The following IRF2BPL variants were observed in gnomAD, a reference collection of about 807,000 sequenced individuals.
IRF2BPL encodes the protein interferon regulatory factor 2 binding protein like.
A neutral mutation model predicts 51.2 loss-of-function variants in IRF2BPL; 13 were observed. That is an observed-to-expected ratio of 0.25 (90% CI 0.17 to 0.40). The LOEUF is 0.40. Ranked by LOEUF, IRF2BPL falls within the 10% of genes least tolerant of loss-of-function variation. The pLI, the probability that IRF2BPL is intolerant of heterozygous loss-of-function variation, is 1.00. For synonymous variants in IRF2BPL, 768 were observed against 509.2 expected (o/e 1.51, Z -6.84); for missense variants, 1,210 against 1,111.8 (o/e 1.09, Z -1.26).
rs997872739 is a variant in IRF2BPL, at chr14:77,025,801, G to A, written c.1992C>T (p.Ala664=). ...CCAAGCGGCGCTGCCCCGGCACGGA[G>A]GCCGGCGAGACTGGGCTGCTGCTGT... The part of the protein sequence containing the change: ...RRNSSSPVSP[A]SVPGQRRLAS... Residue 664 remains alanine, a synonymous_variant, in exon 1 of 1, where the codon GCC becomes GCT. Coordinates refer to ENST00000238647, the MANE Select transcript of IRF2BPL (RefSeq NM_024496.4). 1.2e-6 allele frequency: 2 copies of A among 1,611,728 alleles called. No individual in the cohort carries two copies. Among genetic ancestry groups the A allele is most frequent in the African/African-American group, 1.3e-5 (1 of 74,916 alleles).
In IRF2BPL at chr14:77,026,520, T is replaced by TG; in HGVS notation, c.1272dup (p.Thr425HisfsTer190). 6.2e-7 allele frequency: 1 copy of TG among 1,613,648 alleles called. No homozygotes were observed. The highest frequency in any genetic ancestry group is 8.5e-7 in the Non-Finnish European group (1 of 1,179,992). ...CTGGAGTACACGTTGCCCGAGCCCG[T>TG]GGGGTACTCAATGAACAGCTTCAAT... is the stretch of plus-strand genomic sequence containing the variant. On this transcript the variant is annotated frameshift_variant, in exon 1 of 1. Coordinates refer to ENST00000238647, the MANE Select transcript of IRF2BPL (RefSeq NM_024496.4). LOFTEE classifies it high-confidence loss of function.
rs1566786613 is a variant in IRF2BPL, at chr14:77,027,294, G to A, written c.499C>T (p.Gln167Ter). Residue 167 changes from glutamine (Q) to a stop codon, truncating the protein, a stop_gained, in exon 1 of 1, where the codon CAG (glutamine) becomes TAG (stop). Coordinates refer to ENST00000238647, the MANE Select transcript of IRF2BPL (RefSeq NM_024496.4). LOFTEE classifies it high-confidence loss of function. The part of the protein sequence containing the change: ...AAAAAAAAVE[Q>*]RSRFEYPPPP... ...GGCGGGTACTCGAAGCGGCTGCGCT[G>A]TTCCACCGCAGCGGCGGCGGCGGCG... 6.4e-7 allele frequency: 1 copy of A among 1,569,886 alleles called. No individual in the cohort carries two copies. The highest frequency in any genetic ancestry group is 1.4e-5 in the African/African-American group (1 of 71,326).
In IRF2BPL at chr14:77,028,397, G is replaced by A; in HGVS notation, c.-605C>T. 3.8e-6 allele frequency: 1 copy of A among 260,330 alleles called. No homozygotes were observed. The highest frequency in any genetic ancestry group is 7.6e-6 in the Non-Finnish European group (1 of 131,838). 16.1% of individuals were successfully genotyped at this position (260,330 alleles called of 1,614,324 possible). On this transcript the variant is annotated 5_prime_UTR_variant, in exon 1 of 1. In the 5' UTR this introduces an upstream ATG that the reference lacks. Coordinates refer to ENST00000238647, the MANE Select transcript of IRF2BPL (RefSeq NM_024496.4). ...CCTTCTCCCCTCCGCAGCGTCGGCCGTTCTGCTGGCGGCGACTGGGTTTGC... is the reference window on the plus strand; with the variant it reads ...CCTTCTCCCCTCCGCAGCGTCGGCCATTCTGCTGGCGGCGACTGGGTTTGC...
rs752911129 is a variant in IRF2BPL at position 77,026,011 on chromosome 14, C to T, written c.1782G>A (p.Gly594=). The T allele has an allele frequency of 6.4e-7, 1 of 1,565,164 alleles. No individual in the cohort carries two copies. Among genetic ancestry groups the T allele is most frequent in the South Asian group, 1.2e-5 (1 of 86,380 alleles). Residue 594 remains glycine, a synonymous_variant, in exon 1 of 1, where the codon GGG becomes GGA. Coordinates refer to ENST00000238647, the MANE Select transcript of IRF2BPL (RefSeq NM_024496.4). ...GGFAAPGHAA[G]GPPPPPPPLG... ...GAGGTGGGGGCGGCGGAGGCGGACCCCCCGCCGCGTGCCCCGGCGCCGCGA... is the reference window on the plus strand; with the variant it reads ...GAGGTGGGGGCGGCGGAGGCGGACCTCCCGCCGCGTGCCCCGGCGCCGCGA...
chr14:77,027,810 A>G lies in IRF2BPL; in HGVS notation c.-18T>C. On this transcript the variant is annotated 5_prime_UTR_variant, in exon 1 of 1. Transcript: ENST00000238647. ...GCCGACATGATGCCTGCCCTGGGGA[A>G]GGTAGGCCCCCGCCCGGGCTGTCTC... 6.6e-7 allele frequency: 1 copy of G among 1,516,340 alleles called. No individual in the cohort carries two copies. Among genetic ancestry groups the G allele is most frequent in the Non-Finnish European group, 8.9e-7 (1 of 1,126,186 alleles). The allele number at this position is 1,516,340 out of a possible 1,614,324, so 93.9% of individuals were successfully genotyped here.
At position 77,027,496 on chromosome 14, in the gene IRF2BPL, G is replaced by T. The variant is rs748692204; in HGVS notation, c.297C>A (p.Ala99=). Residue 99 remains alanine (A), a synonymous_variant, in exon 1 of 1, where the codon GCC becomes GCA. Transcript: ENST00000238647. ...AAAAAAAAAA[A]AAAQQQQQQQ... ...GTTGCTGTTGCTGTTGCGCGGCGGC[G>T]GCGGCGGCCGCCGCTGCTGCCGCCG... is the stretch of plus-strand genomic sequence containing the variant. 6.3e-5 allele frequency: 43 copies of T among 680,422 alleles called. No homozygotes were observed. Among genetic ancestry groups the T allele is most frequent in the Middle Eastern group, 6.6e-4 (1 of 1,504 alleles). 42.1% of individuals were successfully genotyped at this position (680,422 alleles called of 1,614,324 possible).
At position 77,025,716 on chromosome 14, in the gene IRF2BPL, C is replaced by T. The variant is rs1212439821; in HGVS notation, c.2077G>A (p.Gly693Ser). Residue 693 changes from glycine to serine, a missense_variant, in exon 1 of 1, where the codon GGC (glycine) becomes AGC (serine). Gly to Ser is a moderately conservative substitution (Grantham distance 56). Coordinates refer to ENST00000238647, the MANE Select transcript of IRF2BPL (RefSeq NM_024496.4). ...VAPPPPSAHP[G>S]MDQVHPQNIP... ...TTTTGGGGGTGCACTTGGTCCATGC[C>T]CGGGTGGGCGCTAGGCGGCGGGGGC... 4 of 1,572,304 alleles carry T rather than the reference C, an allele frequency of 2.5e-6. No individual in the cohort carries two copies. In the Admixed American group the frequency reaches 5.3e-5, roughly 21 times the overall value.
In IRF2BPL at chr14:77,025,797, C is replaced by A. The variant is rs757908364; in HGVS notation, c.1996G>T (p.Val666Leu). ...NSSSPVSPAS[V>L]PGQRRLASRN... Reference sequence around the variant, plus strand: ...GATGCCAAGCGGCGCTGCCCCGGCACGGAGGCCGGCGAGACTGGGCTGCTG... The same window carrying A: ...GATGCCAAGCGGCGCTGCCCCGGCAAGGAGGCCGGCGAGACTGGGCTGCTG... The change falls in exon 1 of 1, where the codon GTG (valine) becomes TTG (leucine). Residue 666 changes from valine (V) to leucine (L), a missense_variant. Physicochemically the swap from Val to Leu is conservative, Grantham distance 32 (BLOSUM62 1). Transcript: ENST00000238647. 2.5e-6 allele frequency: 4 copies of A among 1,611,364 alleles called. No individual in the cohort carries two copies. Among genetic ancestry groups the A allele is most frequent in the Non-Finnish European group, 3.4e-6 (4 of 1,179,100 alleles).
At position 77,028,126 on chromosome 14, in the gene IRF2BPL, C is replaced by A. The variant is rs947891461; in HGVS notation, c.-334G>T. ...AAGCTCCCGGCCCGAGGGGAGGGGGCGAGGGTGCCCGGTGGTGGCCGCCGT... is the reference window on the plus strand; with the variant it reads ...AAGCTCCCGGCCCGAGGGGAGGGGGAGAGGGTGCCCGGTGGTGGCCGCCGT... On this transcript the variant is annotated 5_prime_UTR_variant, in exon 1 of 1. Transcript: ENST00000238647. 1 of 268,634 alleles carries A rather than the reference C, an allele frequency of 3.7e-6. No homozygotes were observed. 16.6% of individuals were successfully genotyped at this position (268,634 alleles called of 1,614,324 possible). A position where few individuals can be genotyped will look rare whatever the true frequency, so the allele number is the denominator to read the frequency against.
rs529633208 is a variant in IRF2BPL, at chr14:77,026,581, G to A, written c.1212C>T (p.Ala404=). 9.3e-6 allele frequency: 15 copies of A among 1,613,872 alleles called. No homozygotes were observed. The highest frequency in any genetic ancestry group is 6.7e-5 in the East Asian group (3 of 44,878). ...KDHSLLGRVF[A]FDAVSKPGMD... ...TGCCGGGCTTGGAGACGGCGTCGAAGGCGAAAACGCGGCCCAGCAGCGAGT... is the reference window on the plus strand; with the variant it reads ...TGCCGGGCTTGGAGACGGCGTCGAAAGCGAAAACGCGGCCCAGCAGCGAGT... The change falls in exon 1 of 1, where the codon GCC becomes GCT. Residue 404 remains alanine, a synonymous_variant. Coordinates refer to ENST00000238647, the MANE Select transcript of IRF2BPL (RefSeq NM_024496.4).
In IRF2BPL at chr14:77,025,344, G is replaced by A; in HGVS notation, c.*58C>T. On this transcript the variant is annotated 3_prime_UTR_variant, in exon 1 of 1. Transcript: ENST00000238647. The stretch of plus-strand genomic sequence containing the variant: ...GGAGGGTCGAGTTGGGTTGGGGGAG[G>A]GGCCCTCAGGATTGGAGAGGAGCTG... 1.6e-6 allele frequency: 2 copies of A among 1,282,550 alleles called. No individual in the cohort carries two copies. Among genetic ancestry groups the A allele is most frequent in the South Asian group, 1.6e-5 (1 of 64,122 alleles). 79.4% of individuals were successfully genotyped at this position (1,282,550 alleles called of 1,614,324 possible).
Position 77,026,557 on chromosome 14 carries a change from G to A in IRF2BPL, c.1236C>T (p.Gly412=). The A allele has an allele frequency of 6.2e-7, 1 of 1,613,864 alleles. No homozygotes were observed. Among genetic ancestry groups the A allele is most frequent in the Non-Finnish European group, 8.5e-7 (1 of 1,180,014 alleles). ...VFAFDAVSKP[G]MDYELKLFIE... is the part of the protein sequence containing the mutation. ...TGAACAGCTTCAATTCGTAGTCCAT[G>A]CCGGGCTTGGAGACGGCGTCGAAGG... The change falls in exon 1 of 1, where the codon GGC becomes GGT. Residue 412 remains glycine (G), a synonymous_variant. Coordinates refer to ENST00000238647, the MANE Select transcript of IRF2BPL (RefSeq NM_024496.4).
chr14:77,027,645 C>T lies in IRF2BPL; in HGVS notation c.148G>A (p.Val50Met). The stretch of plus-strand genomic sequence containing the variant: ...TTCAGCTGGCGCGCTGTCTCGATCA[C>T]GAATTCGATGCGATCAGCGCCCTCG... ...NYEGADRIEF[V>M]IETARQLKRA... Residue 50 changes from valine to methionine, a missense_variant, in exon 1 of 1, where the codon GTG becomes ATG. Transcript: ENST00000238647. 1.2e-6 allele frequency: 2 copies of T among 1,610,392 alleles called. No homozygotes were observed. The highest frequency in any genetic ancestry group is 8.5e-7 in the Non-Finnish European group (1 of 1,178,960).
Position 77,025,899 on chromosome 14 carries a change from C to G in IRF2BPL, c.1894G>C (p.Asp632His). ...GGCGAGTGCGCTGTGCCCAGAGTAT[C>G]TGCCACCGACATGAGAGCGGCCATA... Reference protein sequence around the residue: ...SPMAALMSVADTLGTAHSPKD... With the variant: ...SPMAALMSVAHTLGTAHSPKD... The change falls in exon 1 of 1, where the codon GAT becomes CAT. Residue 632 changes from aspartate (D) to histidine (H), a missense_variant. Physicochemically the swap from Asp to His is moderately conservative, Grantham distance 81 (BLOSUM62 -1). Coordinates refer to ENST00000238647, the MANE Select transcript of IRF2BPL (RefSeq NM_024496.4). The G allele has an allele frequency of 6.2e-7, 1 of 1,612,106 alleles. No individual in the cohort carries two copies. The highest frequency in any genetic ancestry group is 8.5e-7 in the Non-Finnish European group (1 of 1,179,608).
In IRF2BPL at chr14:77,025,272, T is replaced by C. The variant is rs1367112690; in HGVS notation, c.*130A>G. 8 of 567,712 alleles carry C rather than the reference T, an allele frequency of 1.4e-5. No homozygotes were observed. The highest frequency in any genetic ancestry group is 2.4e-5 in the Non-Finnish European group (8 of 333,874). 35.2% of individuals were successfully genotyped at this position (567,712 alleles called of 1,614,324 possible). ...ATGTCTATACATAAGACTAACTTTT[T>C]GCAGTTTCGTTATATTCACAATTCT... On this transcript the variant is annotated 3_prime_UTR_variant, in exon 1 of 1. Coordinates refer to ENST00000238647, the MANE Select transcript of IRF2BPL (RefSeq NM_024496.4).
In IRF2BPL at chr14:77,027,862, T is replaced by TGGCCGGCTGGGGAGGGA; in HGVS notation, c.-87_-71dup. 7.2e-7 allele frequency: 1 copy of TGGCCGGCTGGGGAGGGA among 1,383,284 alleles called. No individual in the cohort carries two copies. The highest frequency in any genetic ancestry group is 9.4e-7 in the Non-Finnish European group (1 of 1,061,284). The allele number at this position is 1,383,284 out of a possible 1,614,324, so 85.7% of individuals were successfully genotyped here. On this transcript the variant is annotated 5_prime_UTR_variant, in exon 1 of 1. Transcript: ENST00000238647. ...GCGGCGCCTTCTCCTCCGGGAGGAC[T>TGGCCGGCTGGGGAGGGA]GGCCGGCTGGGGAGGGAGTCCGACT...
In IRF2BPL at chr14:77,025,128, T is replaced by TAA; in HGVS notation, c.*272_*273dup. On this transcript the variant is annotated 3_prime_UTR_variant, in exon 1 of 1. Transcript: ENST00000238647. The stretch of plus-strand genomic sequence containing the variant: ...AAACATTCTGCCACCAAATAAATGC[T>TAA]AACGATATGATGCAAATGACCCAAC... 3.5e-6 allele frequency: 1 copy of TAA among 283,350 alleles called. No homozygotes were observed. The highest frequency in any genetic ancestry group is 6.6e-6 in the Non-Finnish European group (1 of 152,380). The allele number at this position is 283,350 out of a possible 1,614,324, so 17.6% of individuals were successfully genotyped here.
At position 77,026,000 on chromosome 14, in the gene IRF2BPL, G is replaced by A. The variant is rs1451149211; in HGVS notation, c.1793C>T (p.Pro598Leu). 3 of 1,571,220 alleles carry A rather than the reference G, an allele frequency of 1.9e-6. No individual in the cohort carries two copies. Among genetic ancestry groups the A allele is most frequent in the Admixed American group, 1.9e-5 (1 of 53,560 alleles). The change falls in exon 1 of 1, where the codon CCG becomes CTG. Residue 598 changes from proline to leucine, a missense_variant. By Grantham distance (98) the Pro-to-Leu change is moderately conservative. Transcript: ENST00000238647. ...APGHAAGGPP[P>L]PPPPLGPHSN... ...ATGGGGTCCCAGAGGTGGGGGCGGC[G>A]GAGGCGGACCCCCCGCCGCGTGCCC...
Position 77,026,015 on chromosome 14 carries a change from G to A in IRF2BPL, c.1778C>T (p.Ala593Val), listed in dbSNP as rs764271153. The change falls in exon 1 of 1, where the codon GCG becomes GTG. Residue 593 changes from alanine to valine, a missense_variant. Coordinates refer to ENST00000238647, the MANE Select transcript of IRF2BPL (RefSeq NM_024496.4). ...AGGFAAPGHAAGGPPPPPPPL... is the reference protein window; with the variant it reads ...AGGFAAPGHAVGGPPPPPPPL... ...TGGGGGCGGCGGAGGCGGACCCCCCGCCGCGTGCCCCGGCGCCGCGAAGCC... is the reference window on the plus strand; with the variant it reads ...TGGGGGCGGCGGAGGCGGACCCCCCACCGCGTGCCCCGGCGCCGCGAAGCC... The A allele has an allele frequency of 1.3e-6, 2 of 1,564,610 alleles. No homozygotes were observed. The highest frequency in any genetic ancestry group is 1.4e-5 in the African/African-American group (1 of 73,452).
Sources: allele counts gnomAD v4.1 joint callset, GRCh38; gene constraint gnomAD v4.1.1; transcripts MANE v1.5; gene names NCBI Gene and HGNC (gene_info 2026-07-23, HGNC 2026-07-21).